TRPC4: variants seen among roughly 807,000 people sequenced by gnomAD.
TRPC4 encodes the protein short transient receptor potential channel 4.
In TRPC4, 49 loss-of-function variants were observed where a neutral mutation model predicts 99.4. The observed-to-expected ratio is 0.49, with a 90% CI of 0.39 to 0.63. TRPC4 has a LOEUF of 0.63. Among genes scored for constraint, TRPC4 ranks in the 20% least tolerant of loss-of-function variants. The pLI, the probability that TRPC4 is intolerant of heterozygous loss-of-function variation, is 0.00. For missense variants in TRPC4, 898 were observed against 1,152.9 expected, an observed-to-expected ratio of 0.78 and a Z score of 3.20; for synonymous variants, 454 against 425.9, an observed-to-expected ratio of 1.07 and a Z score of -0.81.
intron 2 of TRPC4, among the ~76,000 whole-genome samples, chr13:37,751,641 A>C (rs984210329): frequency 1.6e-4 from 25 of 152,266 alleles, no homozygotes; most frequent in African/African-American, 5.8e-4. Flanking sequence ...CCCTTTCTTA[A>C]AACGGCTTAT....
At chr13:37,789,028 C>T (rs1287141962) in intron 1 of TRPC4, among the ~76,000 whole-genome samples, 1 of 152,084 alleles carries the variant, frequency 6.6e-6, no homozygotes, top group Non-Finnish European at 1.5e-5. Context: ...TGATTTTAGT[C>T]ATGCATACTT....
At chr13:37,698,263 C>T (rs568982327) in intron 3 of TRPC4, among the ~76,000 whole-genome samples, 36 of 144,456 alleles carry the variant, frequency 2.5e-4, no homozygotes, top group African/African-American at 9.0e-4. Context: ...CGGGTTCTTG[C>T]CATTCTCCTG....
At chr13:37,759,221 C>T (rs1956165334) in intron 2 of TRPC4, among the ~76,000 whole-genome samples, 3 of 151,644 alleles carry the variant, frequency 2.0e-5, no homozygotes, top group Admixed American at 2.0e-4. Flanking sequence ...CAATCTTCTA[C>T]CCAAGCAAAG....
chr13:37,724,600 T>C (rs1238032050), intron 3 of TRPC4, among the ~76,000 whole-genome samples: 2 of 81,180 alleles, frequency 2.5e-5, no homozygotes, highest in Non-Finnish European at 7.0e-5. Flanking sequence ...ATATAAGCGG[T>C]TTTTTTTGTT....
intron 2 of TRPC4, among the ~76,000 whole-genome samples, chr13:37,765,801 G>C (rs991485286): frequency 6.6e-6 from 1 of 151,390 alleles, no homozygotes; most frequent in Non-Finnish European, 1.5e-5. Flanking sequence ...TTATTGTTCA[G>C]TGTTAAATAG....
At position 37,865,656 on chromosome 13, in the gene TRPC4, C is replaced by A. The variant is rs1191475061; in HGVS notation, c.-28+3939G>T. 2.0e-5 allele frequency among the ~76,000 whole-genome samples: 3 copies of A among 151,322 alleles called. No homozygotes were observed. The East Asian group carries it at 5.8e-4, about 29-fold the overall frequency. On this transcript the variant is annotated intron_variant, in intron 1 of 10. Transcript: ENST00000379705. ...TATAATATTTTTAAAATTCAAGAAA[C>A]AAATAGCTGAAAAAATGAATTTATG... is the stretch of plus-strand genomic sequence containing the variant.
intron 4 of TRPC4, among the ~76,000 whole-genome samples, chr13:37,675,036 G>A: frequency 6.6e-6 from 1 of 151,732 alleles, no homozygotes; most frequent in East Asian, 1.9e-4. Flanking sequence ...TTCGTATTTA[G>A]AGCCTAATGA....
chr13:37,647,828 C>A (rs1175185481), intron 8 of TRPC4, among the ~76,000 whole-genome samples: 1 of 152,142 alleles, frequency 6.6e-6, no homozygotes, highest in Non-Finnish European at 1.5e-5. Flanking sequence ...GGAGGATTAA[C>A]CAAGTTGAAA....
chr13:37,682,001 T>C (rs1462650668), intron 4 of TRPC4, among the ~76,000 whole-genome samples: 1 of 152,210 alleles, frequency 6.6e-6, no homozygotes, highest in Non-Finnish European at 1.5e-5. Flanking sequence ...TGTTCTATTA[T>C]GTCCTGCGAA....
In TRPC4 at chr13:37,632,312, G is replaced by A. The variant is rs1049510374; in HGVS notation, c.*4591C>T. 5.9e-5 allele frequency among the ~76,000 whole-genome samples: 9 copies of A among 152,112 alleles called. No individual in the cohort carries two copies. Among genetic ancestry groups the A allele is most frequent in the Non-Finnish European group, 1.2e-4 (8 of 68,028 alleles). ...AAGAAACATCAAACTCATTTACTTA[G>A]TATATTTTAAATCAATACTTCATAA... On this transcript the variant is annotated 3_prime_UTR_variant, in exon 11 of 11. Coordinates refer to ENST00000379705, the MANE Select transcript of TRPC4 (RefSeq NM_016179.4).
chr13:37,853,947 G>A (rs1255726519), intron 1 of TRPC4, among the ~76,000 whole-genome samples: 3 of 151,926 alleles, frequency 2.0e-5, no homozygotes, highest in East Asian at 3.9e-4. Context: ...AGCCTCAAAA[G>A]GGTAAATCTA....
At position 37,667,759 on chromosome 13, in the gene TRPC4, C is replaced by A. The variant is rs75805354; in HGVS notation, c.1375-4030G>T. Among the ~76,000 whole-genome samples the A allele has an allele frequency of 3.7e-3, 565 of 152,310 alleles. 2 individuals carry two copies. The highest frequency in any genetic ancestry group is 0.013 in the African/African-American group (534 of 41,574). On this transcript the variant is annotated intron_variant, in intron 5 of 10. Transcript: ENST00000379705. ...CTGACTCCTTTTAAAGATTTAACTGCCATTTGGCTCTAATTAGACACCTAA... is the reference window on the plus strand; with the variant it reads ...CTGACTCCTTTTAAAGATTTAACTGACATTTGGCTCTAATTAGACACCTAA...
intron 2 of TRPC4, among the ~76,000 whole-genome samples, chr13:37,751,301 G>T (rs1369204795): frequency 6.6e-6 from 1 of 151,858 alleles, no homozygotes; most frequent in Non-Finnish European, 1.5e-5. Flanking sequence ...TCCCAATCCT[G>T]CTTCTTTTGC....
chr13:37,677,193 C>T (rs1347660108), intron 4 of TRPC4, among the ~76,000 whole-genome samples: 1 of 151,790 alleles, frequency 6.6e-6, no homozygotes, highest in African/African-American at 2.4e-5. Flanking sequence ...ACTATGGCAT[C>T]CTTTTAAATA....
chr13:37,825,731 GA>G (rs765929372), intron 1 of TRPC4, among the ~76,000 whole-genome samples: 3 of 148,720 alleles, frequency 2.0e-5, no homozygotes, highest in Admixed American at 6.7e-5. Flanking sequence ...GTGTGGTGCT[GA>G]AAAAAATGTA....
rs10528143 is a variant in TRPC4, at chr13:37,752,075, C to CTATATATATATA, written c.379-5632_379-5621dup. Among the ~76,000 whole-genome samples the CTATATATATATA allele has an allele frequency of 1.9e-3, 141 of 73,936 alleles. 24 individuals carry two copies. The highest frequency in any genetic ancestry group is 7.4e-3 in the Middle Eastern group (1 of 136). 48.5% of individuals were successfully genotyped at this position (73,936 alleles called of 152,430 possible). A position where few individuals can be genotyped will look rare whatever the true frequency, so the allele number is the denominator to read the frequency against. The stretch of plus-strand genomic sequence containing the variant: ...TACCAAAACCTGATAAAGCAGAAAA[C>CTATATATATATA]TATATATATATATATATATATGACT... On this transcript the variant is annotated intron_variant, in intron 2 of 10. Transcript: ENST00000379705.
At chr13:37,804,973 A>G (rs1413696630) in intron 1 of TRPC4, among the ~76,000 whole-genome samples, 1 of 152,098 alleles carries the variant, frequency 6.6e-6, no homozygotes, top group Non-Finnish European at 1.5e-5. Context: ...AATTAACAAA[A>G]TTGCCATGAT....
At chr13:37,673,691 G>T (rs1281462192) in intron 5 of TRPC4, among the ~76,000 whole-genome samples, 1 of 152,092 alleles carries the variant, frequency 6.6e-6, no homozygotes, top group African/African-American at 2.4e-5. Context: ...AAAATCTGGG[G>T]GAGTAATGAG....
chr13:37,827,866 CT>C (rs1266887895), intron 1 of TRPC4, among the ~76,000 whole-genome samples: 3 of 152,330 alleles, frequency 2.0e-5, no homozygotes, highest in Admixed American at 1.3e-4. Context: ...TGCCCCTCCC[CT>C]AGCCTCGCTG....
Sources: allele counts gnomAD v4.1 joint callset (sites outside exome capture counted in the v4.1 genomes callset), GRCh38; gene constraint gnomAD v4.1.1; transcripts MANE v1.5; gene names NCBI Gene and HGNC (gene_info 2026-07-23, HGNC 2026-07-21).